The following ACOT13 variants were observed in gnomAD, a reference collection of about 807,000 sequenced individuals.
ACOT13 encodes acyl-coenzyme A thioesterase 13.
ACOT13 carries 10 observed loss-of-function variants against 11.8 expected under a neutral mutation model. The observed-to-expected ratio is 0.85, with a 90% CI of 0.53 to 1.44. ACOT13 has a LOEUF of 1.44. Ranked by LOEUF, ACOT13 falls within the 40% of genes most tolerant of loss-of-function variation. The probability of loss-of-function intolerance (pLI) is 0.00; values close to 1 mark genes in which losing one functional copy is unlikely to be tolerated. For missense variants in ACOT13, 172 were observed against 174.1 expected, an observed-to-expected ratio of 0.99 and a Z score of 0.07; for synonymous variants, 53 against 61.0, an observed-to-expected ratio of 0.87 and a Z score of 0.61.
At chr6:24,693,648 T>C (rs1345426539) in intron 1 of ACOT13, among the ~76,000 whole-genome samples, 2 of 152,018 alleles carry the variant, frequency 1.3e-5, no homozygotes, top group African/African-American at 4.8e-5. Flanking sequence ...AGAGACTCTG[T>C]GTCATGTGGA....
Position 24,698,071 on chromosome 6 carries a change from T to A in ACOT13, c.266+4T>A. The A allele has an allele frequency of 1.3e-6, 2 of 1,595,158 alleles. No homozygotes were observed. Among genetic ancestry groups the A allele is most frequent in the South Asian group, 2.3e-5 (2 of 87,722 alleles). On this transcript the variant is annotated splice_donor_region_variant and intron_variant, in intron 2 of 2. Coordinates refer to ENST00000230048, the MANE Select transcript of ACOT13 (RefSeq NM_018473.4). ...TCAGTGTCGATATGAACATAACGTA[T>A]GTATCCAAACTGTATTCCAAATCCC...
chr6:24,685,383 G>A (rs1264198003), intron 1 of ACOT13, among the ~76,000 whole-genome samples: 1 of 127,562 alleles, frequency 7.8e-6, no homozygotes, highest in African/African-American at 2.8e-5. Flanking sequence ...GTCTTGCTCT[G>A]TTGCCCAGGC....
chr6:24,682,506 A>G (rs1202117397), intron 1 of ACOT13, among the ~76,000 whole-genome samples: 3 of 152,222 alleles, frequency 2.0e-5, no homozygotes, highest in Admixed American at 2.0e-4. Flanking sequence ...CGTGGAACCC[A>G]GTGACTAGTG....
At chr6:24,691,741 GT>G (rs1323761065) in intron 1 of ACOT13, among the ~76,000 whole-genome samples, 1 of 152,166 alleles carries the variant, frequency 6.6e-6, no homozygotes, top group African/African-American at 2.4e-5. Context: ...GCTTTCCATT[GT>G]TTGAGGGCCC....
At chr6:24,692,821 A>C (rs373296473) in intron 1 of ACOT13, among the ~76,000 whole-genome samples, 98 of 152,356 alleles carry the variant, frequency 6.4e-4, no homozygotes, top group African/African-American at 2.2e-3. Flanking sequence ...GGTCTTGCCT[A>C]AGTCTGCTTC....
chr6:24,667,468 T>G lies in ACOT13; in HGVS notation c.81+124T>G, dbSNP rs990666963. ...GGTTGTGTTCTAGTACGCCTGTAAA[T>G]TCACCTTAGTAATAATGATTATTAC... On this transcript the variant is annotated intron_variant, in intron 1 of 2. Coordinates refer to ENST00000230048, the MANE Select transcript of ACOT13 (RefSeq NM_018473.4). The G allele has an allele frequency of 4.8e-6, 4 of 830,802 alleles. No homozygotes were observed. The African/African-American group carries it at 5.1e-5, about 11-fold the overall frequency. 51.5% of individuals were successfully genotyped at this position (830,802 alleles called of 1,614,324 possible). A position where few individuals can be genotyped will look rare whatever the true frequency, so the allele number is the denominator to read the frequency against.
intron 1 of ACOT13, among the ~76,000 whole-genome samples, chr6:24,689,048 A>T (rs1259101115): frequency 6.6e-6 from 1 of 152,164 alleles, no homozygotes; most frequent in Non-Finnish European, 1.5e-5. Context: ...TGCTTGTCAG[A>T]GTGTAAAAAT....
In ACOT13 at chr6:24,667,208, C is replaced by A. The variant is rs1778272475; in HGVS notation, c.-56C>A. 2.6e-6 allele frequency: 4 copies of A among 1,555,354 alleles called. No individual in the cohort carries two copies. The highest frequency in any genetic ancestry group is 8.8e-7 in the Non-Finnish European group (1 of 1,130,992). ...TTCTTTCACTAACTTCTGGACTTTC[C>A]AGCTCTTCCGAAGTTCGTTCTTGCG... On this transcript the variant is annotated 5_prime_UTR_variant, in exon 1 of 3. Coordinates refer to ENST00000230048, the MANE Select transcript of ACOT13 (RefSeq NM_018473.4).
intron 1 of ACOT13, among the ~76,000 whole-genome samples, chr6:24,668,455 A>T (rs1000933506): frequency 6.6e-6 from 1 of 152,186 alleles, no homozygotes; most frequent in African/African-American, 2.4e-5. Context: ...TGCTGACCTC[A>T]GGTGATCCAC....
At chr6:24,688,738 T>G (rs928649447) in intron 1 of ACOT13, among the ~76,000 whole-genome samples, 10 of 152,188 alleles carry the variant, frequency 6.6e-5, no homozygotes, top group Non-Finnish European at 1.3e-4. Context: ...CAATTGTTTA[T>G]TTTTAAAAAC....
chr6:24,672,728 T>A (rs568589785), intron 1 of ACOT13, among the ~76,000 whole-genome samples: 1 of 152,354 alleles, frequency 6.6e-6, no homozygotes, highest in African/African-American at 2.4e-5. Flanking sequence ...GAAAACCTTG[T>A]TAATCTGATT....
chr6:24,700,424 CCTT>C (rs1240262112), intron 2 of ACOT13, among the ~76,000 whole-genome samples: 9 of 139,990 alleles, frequency 6.4e-5, no homozygotes, highest in African/African-American at 2.0e-4. Flanking sequence ...ATAAGATCCA[CCTT>C]TTTTTTTTTT....
intron 1 of ACOT13, chr6:24,687,474 G>T: frequency 7.4e-7 from 1 of 1,345,066 alleles, no homozygotes; most frequent in Non-Finnish European, 9.6e-7. Flanking sequence ...GAAATACCAT[G>T]TGGACTCCAA....
chr6:24,703,882 A>G lies in ACOT13; in HGVS notation c.*2267A>G, dbSNP rs1343076988. ...GGCGTTAAGCATGAATAAACAATTCAAATGCAAAATGAGTAACAATTTACA... is the reference window on the plus strand; with the variant it reads ...GGCGTTAAGCATGAATAAACAATTCGAATGCAAAATGAGTAACAATTTACA... On this transcript the variant is annotated 3_prime_UTR_variant, in exon 3 of 3. Transcript: ENST00000230048. 6.6e-6 allele frequency: 1 copy of G among 152,376 alleles called. No homozygotes were observed. Among genetic ancestry groups the G allele is most frequent in the East Asian group, 1.9e-4 (1 of 5,192 alleles). 9.4% of individuals were successfully genotyped at this position (152,376 alleles called of 1,614,324 possible).
intron 1 of ACOT13, among the ~76,000 whole-genome samples, chr6:24,681,474 C>G (rs1477935878): frequency 8.6e-5 from 13 of 150,886 alleles, no homozygotes; most frequent in Non-Finnish European, 1.6e-4. Flanking sequence ...TTTACGCTGG[C>G]TTTTAAAGGA....
chr6:24,683,327 C>A (rs1778582832), intron 1 of ACOT13, among the ~76,000 whole-genome samples: 1 of 152,174 alleles, frequency 6.6e-6, no homozygotes, highest in Non-Finnish European at 1.5e-5. Flanking sequence ...CATCTGAGGT[C>A]AGGAGTTCAA....
chr6:24,697,889 CTT>C lies in ACOT13; in HGVS notation c.89_90del (p.Leu30ArgfsTer11), dbSNP rs764953927. 1.9e-6 allele frequency: 3 copies of C among 1,602,538 alleles called. No individual in the cohort carries two copies. Among genetic ancestry groups the C allele is most frequent in the South Asian group, 2.3e-5 (2 of 88,722 alleles). ...NFERVLGKITLVSAAPGKVIC... is the reference protein window; with the variant it reads ...NFERVLGKITXVSAAPGKVIC... Reference sequence around the variant, plus strand: ...TTCTTTTTTTTACACTTAGATTACTCTTGTCTCTGCTGCTCCTGGGAAAGTGA... The same window carrying C: ...TTCTTTTTTTTACACTTAGATTACTCGTCTCTGCTGCTCCTGGGAAAGTGA... On this transcript the variant is annotated frameshift_variant, in exon 2 of 3. Coordinates refer to ENST00000230048, the MANE Select transcript of ACOT13 (RefSeq NM_018473.4). LOFTEE classifies it high-confidence loss of function.
intron 2 of ACOT13, among the ~76,000 whole-genome samples, chr6:24,698,593 C>A (rs1778836865): frequency 6.6e-6 from 1 of 151,578 alleles, no homozygotes; most frequent in Non-Finnish European, 1.5e-5. Context: ...AGTTAGAGTT[C>A]ATATACACAT....
chr6:24,701,601 C>A lies in ACOT13; in HGVS notation c.409C>A (p.His137Asn). Residue 137 changes from histidine to asparagine, a missense_variant, in exon 3 of 3, where the codon CAC (histidine) becomes AAC (asparagine). Coordinates refer to ENST00000230048, the MANE Select transcript of ACOT13 (RefSeq NM_018473.4). ...AATAGCACAAGGAAGACACACAAAACACCTGGGAAACTGAGAGAACAGCAG... is the reference window on the plus strand; with the variant it reads ...AATAGCACAAGGAAGACACACAAAAAACCTGGGAAACTGAGAGAACAGCAG... Reference protein sequence around the residue: ...KLIAQGRHTKHLGN With the variant: ...KLIAQGRHTKNLGN 6.2e-7 allele frequency: 1 copy of A among 1,610,710 alleles called. No homozygotes were observed. The highest frequency in any genetic ancestry group is 8.5e-7 in the Non-Finnish European group (1 of 1,177,986).
Sources: allele counts gnomAD v4.1 joint callset (sites outside exome capture counted in the v4.1 genomes callset), GRCh38; gene constraint gnomAD v4.1.1; transcripts MANE v1.5; gene names NCBI Gene and HGNC (gene_info 2026-07-23, HGNC 2026-07-21).